TNS1: variants seen among roughly 807,000 people sequenced by gnomAD.
The protein encoded by TNS1 is tensin-1.
A neutral mutation model predicts 168.6 loss-of-function variants in TNS1; 62 were observed. The ratio of observed to expected loss-of-function variants is 0.37; its 90% confidence interval spans 0.30 to 0.45. The LOEUF (loss-of-function observed/expected upper bound fraction) is 0.45, where lower values mean the gene tolerates loss of function less well. Among genes scored for constraint, TNS1 ranks in the 20% least tolerant of loss-of-function variants. The probability of loss-of-function intolerance (pLI) is 1.00; values close to 1 mark genes in which losing one functional copy is unlikely to be tolerated. For synonymous variants in TNS1, 934 were observed against 933.2 expected (o/e 1.00, Z -0.02); for missense variants, 2,240 against 2,339.4 (o/e 0.96, Z 0.88).
rs573188070 is a variant in TNS1, at chr2:217,939,399, T to G, written c.187-19163A>C. Among the ~76,000 whole-genome samples the G allele has an allele frequency of 4.6e-5, 7 of 152,324 alleles. No individual in the cohort carries two copies. In the East Asian group the frequency reaches 1.4e-3, roughly 29 times the overall value. Reference sequence around the variant, plus strand: ...GCCAGCCATCCATGTTGAGCGGCACTCTGCCAAGCACAGCAAGGATCACCA... The same window carrying G: ...GCCAGCCATCCATGTTGAGCGGCACGCTGCCAAGCACAGCAAGGATCACCA... On this transcript the variant is annotated intron_variant, in intron 3 of 32. Transcript: ENST00000682258.
intron 10 of TNS1, 52 bp from the exon 11 acceptor site, chr2:217,893,064 C>T: frequency 6.2e-7 from 1 of 1,603,116 alleles, no homozygotes; most frequent in South Asian, 1.1e-5. Context: ...AGCCTTGCTG[C>T]CCCAGAGCTT....
intron 29 of TNS1, 125 bp downstream of exon 29, chr2:217,810,123 A>T (rs1940560459): frequency 7.0e-7 from 1 of 1,433,054 alleles, no homozygotes; most frequent in Admixed American, 1.9e-5. Context: ...CTGCACATAG[A>T]AATGTGATCT....
chr2:217,856,292 G>T (rs1222778699), intron 18 of TNS1, among the ~76,000 whole-genome samples: 1 of 152,110 alleles, frequency 6.6e-6, no homozygotes, highest in Non-Finnish European at 1.5e-5. Flanking sequence ...AGGCATGAGG[G>T]TACAGAGGGC....
At chr2:217,951,817 C>T (rs185870646) in intron 3 of TNS1, among the ~76,000 whole-genome samples, 1 of 152,236 alleles carries the variant, frequency 6.6e-6, no homozygotes, top group Admixed American at 6.5e-5. Flanking sequence ...ATAGTGGTAG[C>T]TTCACAGGCT....
intron 24 of TNS1, among the ~76,000 whole-genome samples, chr2:217,816,365 C>T (rs1574596407): frequency 6.6e-6 from 1 of 152,292 alleles, no homozygotes; most frequent in East Asian, 1.9e-4. Context: ...GTTAAGAGAG[C>T]AGATCAGGAG....
chr2:217,925,660 A>G (rs60012416), intron 3 of TNS1, among the ~76,000 whole-genome samples: 6,402 of 152,288 alleles, frequency 0.042, 459 homozygotes, highest in African/African-American at 0.15. Flanking sequence ...ACATAACATA[A>G]CACTTACTAT....
intron 2 of TNS1, among the ~76,000 whole-genome samples, chr2:217,983,077 G>A (rs1231983956): frequency 6.6e-6 from 1 of 152,138 alleles, no homozygotes; most frequent in East Asian, 1.9e-4. Flanking sequence ...GACACTGCTG[G>A]GGAGACAGCC....
At position 217,817,847 on chromosome 2, in the gene TNS1, C is replaced by T. The variant is rs372383802; in HGVS notation, c.4485G>A (p.Arg1495=). Residue 1495 remains arginine (R), a synonymous_variant, in exon 24 of 33, where the codon AGG becomes AGA. Coordinates refer to ENST00000682258, the MANE Select transcript of TNS1 (RefSeq NM_001387777.1). ...TGCCTGCCCGGTCTCCCACTGACAT[C>T]CTTCGCTTCTCTGGCAAGGCTGGTG... ...SPTPALPEKR[R]MSVGDRAGSL... is the part of the protein sequence containing the mutation. 1.9e-6 allele frequency: 3 copies of T among 1,614,220 alleles called. No homozygotes were observed. The highest frequency in any genetic ancestry group is 2.2e-5 in the South Asian group (2 of 91,088).
At chr2:217,982,400 C>CTTT (rs59697675) in intron 2 of TNS1, among the ~76,000 whole-genome samples, 2 of 136,078 alleles carry the variant, frequency 1.5e-5, no homozygotes, top group African/African-American at 2.7e-5. Context: ...TTCTTCTTTT[C>CTTT]TTTTTTTTTT....
Position 217,808,676 on chromosome 2 carries a change from A to G in TNS1, c.5274-5T>C, listed in dbSNP as rs1939722650. 6.2e-7 allele frequency: 1 copy of G among 1,614,032 alleles called. No individual in the cohort carries two copies. The highest frequency in any genetic ancestry group is 8.5e-7 in the Non-Finnish European group (1 of 1,179,898). On this transcript the variant is annotated splice_region_variant and splice_polypyrimidine_tract_variant and intron_variant, in intron 30 of 32. Coordinates refer to ENST00000682258, the MANE Select transcript of TNS1 (RefSeq NM_001387777.1). ...TAGTGGCGTCTGAAAAAGAGCCTGC[A>G]GCACAGACATCAGATAAACAGAGAA...
intron 28 of TNS1, 47 bp from the exon 29 acceptor site, chr2:217,810,366 A>C: frequency 5.6e-6 from 9 of 1,599,498 alleles, no homozygotes; most frequent in Non-Finnish European, 6.9e-6. Flanking sequence ...GCTGGAAAGA[A>C]GCACAAGTTT....
In TNS1 at chr2:217,804,256, T is replaced by TTCTCTCTC. The variant is rs71403015; in HGVS notation, c.*195_*202dup. On this transcript the variant is annotated 3_prime_UTR_variant, in exon 33 of 33. Transcript: ENST00000682258. Reference sequence around the variant, plus strand: ...GAATCCAAGTTCTTCTCCTCCATCTTTCTCTCTCTCTCTCTCTCTCTCTCT... The same window carrying TTCTCTCTC: ...GAATCCAAGTTCTTCTCCTCCATCTTTCTCTCTCTCTCTCTCTCTCTCTCTCTCTCTCT... The TTCTCTCTC allele has an allele frequency of 0.011, 4,681 of 416,280 alleles. 28 individuals carry two copies. The highest frequency in any genetic ancestry group is 0.015 in the Middle Eastern group (22 of 1,516). The allele number at this position is 416,280 out of a possible 1,614,324, so 25.8% of individuals were successfully genotyped here.
Position 217,948,276 on chromosome 2 carries a change from C to T in TNS1, c.187-28040G>A, listed in dbSNP as rs1957161985. 6.6e-6 allele frequency among the ~76,000 whole-genome samples: 1 copy of T among 152,196 alleles called. No individual in the cohort carries two copies. Among genetic ancestry groups the T allele is most frequent in the South Asian group, 2.1e-4 (1 of 4,832 alleles). On this transcript the variant is annotated intron_variant, in intron 3 of 32. Coordinates refer to ENST00000682258, the MANE Select transcript of TNS1 (RefSeq NM_001387777.1). This position sits in a 1 kb window ranked among gnomAD's most constrained non-coding sequence, Gnocchi z 4.1. ...GAAGTGTTAGTCTCTGGGGCAATTA[C>T]TGGAGCCGCCTCCTCTAGCACCCTG...
At chr2:217,839,710 G>A (rs1048245028) in intron 19 of TNS1, among the ~76,000 whole-genome samples, 1 of 152,152 alleles carries the variant, frequency 6.6e-6, no homozygotes, top group African/African-American at 2.4e-5. Flanking sequence ...TTCATGATGT[G>A]CCTCCTCTGC....
chr2:217,995,919 C>G lies in TNS1; in HGVS notation c.34-4863G>C, dbSNP rs965176941. Among the ~76,000 whole-genome samples the G allele has an allele frequency of 2.0e-5, 3 of 152,224 alleles. No individual in the cohort carries two copies. Among genetic ancestry groups the G allele is most frequent in the African/African-American group, 7.2e-5 (3 of 41,452 alleles). On this transcript the variant is annotated intron_variant, in intron 1 of 32. Transcript: ENST00000682258. The surrounding 1 kb of genome is among the most constrained non-coding windows in gnomAD (Gnocchi z 4.1). ...CCAGCATCAGAGGGCTTTCGTGGCC[C>G]TCGGGGCTTCCTCTCCCTTCCCTCC...
rs984952339 is a variant in TNS1 at position 217,804,724 on chromosome 2, G to C, written c.5376-121C>G. The C allele has an allele frequency of 5.4e-6, 7 of 1,305,436 alleles. No individual in the cohort carries two copies. The African/African-American group carries it at 8.8e-5, about 16-fold the overall frequency. 80.9% of individuals were successfully genotyped at this position (1,305,436 alleles called of 1,614,324 possible). On this transcript the variant is annotated intron_variant, in intron 32 of 32. Coordinates refer to ENST00000682258, the MANE Select transcript of TNS1 (RefSeq NM_001387777.1). ...CCTCTCTTCCCCATCCCTCCAGCAG[G>C]CCTCAGCATCAGGGACTCAGAGAGG...
intron 2 of TNS1, 167 bp from the exon 3 acceptor site, chr2:217,978,969 G>A: frequency 4.9e-6 from 3 of 611,740 alleles, no homozygotes; most frequent in South Asian, 1.8e-5. Flanking sequence ...GGAGGGGAGC[G>A]GCTGCCGGGC....
At position 217,966,791 on chromosome 2, in the gene TNS1, G is replaced by C. The variant is rs116413028; in HGVS notation, c.186+11974C>G. Among the ~76,000 whole-genome samples the C allele has an allele frequency of 8.6e-3, 1,307 of 152,306 alleles. 22 individuals are homozygous for C. Among genetic ancestry groups the C allele is most frequent in the African/African-American group, 0.03 (1,231 of 41,554 alleles). On this transcript the variant is annotated intron_variant, in intron 3 of 32. Transcript: ENST00000682258. Reference sequence around the variant, plus strand: ...CACAGCTGTGGGGAGTAGAGGCTGAGTGTGGAACACGAAAGGTCCCTTGCT... The same window carrying C: ...CACAGCTGTGGGGAGTAGAGGCTGACTGTGGAACACGAAAGGTCCCTTGCT...
chr2:217,917,829 CA>C (rs79888115), intron 4 of TNS1, among the ~76,000 whole-genome samples: 5,923 of 75,910 alleles, frequency 0.078, 423 homozygotes, highest in African/African-American at 0.24. Flanking sequence ...AGACTGTTCT[CA>C]AAAAAAAAAA....
Sources: allele counts gnomAD v4.1 joint callset (sites outside exome capture counted in the v4.1 genomes callset), GRCh38; gene constraint gnomAD v4.1.1; non-coding constraint Gnocchi (gnomAD v3.1); transcripts MANE v1.5; gene names NCBI Gene and HGNC (gene_info 2026-07-23, HGNC 2026-07-21).